Variants in THRB observed in about 807,000 individuals in gnomAD.
THRB encodes the protein thyroid hormone receptor beta, also known as nuclear receptor subfamily 1 group A member 2.
In THRB, 12 loss-of-function variants were observed where a neutral mutation model predicts 47.8. The observed-to-expected ratio is 0.25, with a 90% CI of 0.16 to 0.41. The LOEUF is 0.41. Among genes scored for constraint, THRB ranks in the 10% least tolerant of loss-of-function variants. THRB has a pLI of 1.00. For missense variants in THRB, 348 were observed against 589.2 expected (o/e 0.59, Z 4.24); for synonymous variants, 218 against 212.2 (o/e 1.03, Z -0.24).
At chr3:24,185,080 A>G (rs1040156728) in intron 5 of THRB, among the ~76,000 whole-genome samples, 2 of 152,132 alleles carry the variant, frequency 1.3e-5, no homozygotes, top group Non-Finnish European at 2.9e-5. Context: ...TTTTGTCTTT[A>G]TGAAGAGCAT....
At chr3:24,328,744 T>C (rs73041627) in intron 2 of THRB, among the ~76,000 whole-genome samples, 2 of 152,360 alleles carry the variant, frequency 1.3e-5, no homozygotes, top group East Asian at 1.9e-4. Flanking sequence ...CCTGGTCCAC[T>C]GTGGCCAATC....
At chr3:24,400,721 T>C (rs895476382) in intron 1 of THRB, among the ~76,000 whole-genome samples, 2 of 151,978 alleles carry the variant, frequency 1.3e-5, no homozygotes, top group African/African-American at 4.8e-5. Flanking sequence ...ACCAGCAAAA[T>C]GGGGTTGATC....
chr3:24,182,654 G>A (rs116634219), intron 5 of THRB, among the ~76,000 whole-genome samples: 179 of 152,288 alleles, frequency 1.2e-3, no homozygotes, highest in African/African-American at 4.2e-3. Context: ...TGTCCCATGA[G>A]ATCATTTAAG....
At chr3:24,127,409 A>C in intron 10 of THRB, 90 bp downstream of exon 10, 1 of 1,387,134 alleles carries the variant, frequency 7.2e-7, no homozygotes, top group Non-Finnish European at 1.0e-6. Flanking sequence ...TTCTGAAGCT[A>C]AAGGGGGACT....
At chr3:24,486,377 T>A (rs1697298669) in intron 1 of THRB, 2 of 152,204 alleles carry the variant, frequency 1.3e-5, no homozygotes, top group African/African-American at 4.8e-5. Flanking sequence ...TTAAATGCTC[T>A]ACCATGGTGT....
At chr3:24,246,427 A>C (rs2050117732) in intron 3 of THRB, among the ~76,000 whole-genome samples, 1 of 152,188 alleles carries the variant, frequency 6.6e-6, no homozygotes, top group African/African-American at 2.4e-5. Context: ...GCAGTTTTTG[A>C]AAAGGGCATG....
At chr3:24,204,472 G>C (rs1310516098) in intron 4 of THRB, among the ~76,000 whole-genome samples, 1 of 152,128 alleles carries the variant, frequency 6.6e-6, no homozygotes, top group Admixed American at 6.5e-5. Flanking sequence ...CTAACAAACA[G>C]AAAGGACATC....
intron 1 of THRB, among the ~76,000 whole-genome samples, chr3:24,491,240 C>T (rs1241489445): frequency 6.6e-6 from 1 of 152,168 alleles, no homozygotes; most frequent in Non-Finnish European, 1.5e-5. Context: ...TTCTTCCCCT[C>T]CCATTTTTAA....
intron 1 of THRB, among the ~76,000 whole-genome samples, chr3:24,385,391 A>G (rs999032128): frequency 2.0e-5 from 3 of 151,736 alleles, no homozygotes; most frequent in Admixed American, 6.6e-5. Context: ...AAAATCAACT[A>G]CACTGCAATT....
chr3:24,367,431 C>A (rs1265931460), intron 1 of THRB, among the ~76,000 whole-genome samples: 1 of 152,156 alleles, frequency 6.6e-6, no homozygotes, highest in Non-Finnish European at 1.5e-5. Context: ...CATGAAATAA[C>A]AATTCCTTAG....
chr3:24,317,672 A>G (rs578163426), intron 2 of THRB, among the ~76,000 whole-genome samples: 1 of 152,348 alleles, frequency 6.6e-6, no homozygotes, highest in Non-Finnish European at 1.5e-5. Flanking sequence ...ACTACAATTC[A>G]ATTCTTAGAC....
chr3:24,378,482 G>A (rs1177500103), intron 1 of THRB, among the ~76,000 whole-genome samples: 1 of 151,986 alleles, frequency 6.6e-6, no homozygotes, highest in Admixed American at 6.6e-5. Context: ...TTGTGATCAC[G>A]GTGATCATGG....
chr3:24,317,437 G>A (rs749017556), intron 2 of THRB, among the ~76,000 whole-genome samples: 3 of 152,232 alleles, frequency 2.0e-5, no homozygotes, highest in South Asian at 2.1e-4. Flanking sequence ...ATCAGGACTC[G>A]CTTGATTTCA....
intron 1 of THRB, among the ~76,000 whole-genome samples, chr3:24,448,641 A>T (rs960495274): frequency 6.6e-6 from 1 of 152,192 alleles, no homozygotes. Flanking sequence ...ACAACCCATT[A>T]AGTACCTGTC....
chr3:24,335,867 G>A (rs950115942), intron 2 of THRB, among the ~76,000 whole-genome samples: 8 of 152,028 alleles, frequency 5.3e-5, no homozygotes, highest in African/African-American at 1.9e-4. Context: ...CAAGTATTGG[G>A]AGGTGCCCCC....
At chr3:24,366,615 C>G (rs1254625196) in intron 1 of THRB, among the ~76,000 whole-genome samples, 1 of 146,222 alleles carries the variant, frequency 6.8e-6, no homozygotes, top group Non-Finnish European at 1.5e-5. Flanking sequence ...ATAGCACAGC[C>G]TCTCACTTTT....
intron 1 of THRB, among the ~76,000 whole-genome samples, chr3:24,448,651 C>G (rs1450206139): frequency 1.3e-5 from 2 of 152,150 alleles, no homozygotes; most frequent in African/African-American, 4.8e-5. Context: ...AAGTACCTGT[C>G]ATGAGGTTAT....
At chr3:24,475,741 A>T (rs1351102489) in intron 1 of THRB, among the ~76,000 whole-genome samples, 2 of 152,324 alleles carry the variant, frequency 1.3e-5, no homozygotes, top group East Asian at 1.9e-4. Context: ...ATTTCCCCCA[A>T]AACACATCAT....
At chr3:24,428,908 AC>A (rs2070071991) in intron 1 of THRB, among the ~76,000 whole-genome samples, 1 of 151,804 alleles carries the variant, frequency 6.6e-6, no homozygotes, top group African/African-American at 2.4e-5. Flanking sequence ...AAAAGTAAGC[AC>A]ATATATATGT....
Sources: gnomAD v4.1 joint callset for allele counts (sites outside exome capture counted in the v4.1 genomes callset) on GRCh38, gnomAD v4.1.1 for gene constraint, MANE v1.5 for transcripts, NCBI Gene and HGNC (gene_info 2026-07-23, HGNC 2026-07-21) for gene names.